The following DPYD variants were observed in gnomAD, a reference collection of about 807,000 sequenced individuals.
The protein encoded by DPYD is dihydropyrimidine dehydrogenase [NADP(+)].
A neutral mutation model predicts 116.2 loss-of-function variants in DPYD; 109 were observed. The ratio of observed to expected loss-of-function variants is 0.94; its 90% CI spans 0.80 to 1.10. The LOEUF is 1.10. Among genes scored for constraint, DPYD ranks in the 50% least tolerant of loss-of-function variants. The pLI, the probability that DPYD is intolerant of heterozygous loss-of-function variation, is 0.00. For missense variants in DPYD, 1,302 were observed against 1,254.5 expected (o/e 1.04, Z -0.57); for synonymous variants, 440 against 432.0 (o/e 1.02, Z -0.23).
intron 3 of DPYD, among the ~76,000 whole-genome samples, chr1:97,812,225 T>C (rs533689551): frequency 2.2e-4 from 34 of 152,244 alleles, no homozygotes; most frequent in African/African-American, 7.7e-4. Context: ...GCACTAAGCT[T>C]TGAAAGCAGG....
At chr1:97,339,887 AGAAG>A (rs1669506815) in intron 16 of DPYD, among the ~76,000 whole-genome samples, 1 of 152,204 alleles carries the variant, frequency 6.6e-6, no homozygotes, top group Non-Finnish European at 1.5e-5. Flanking sequence ...TGTGGAGAAA[AGAAG>A]GAAGAGGAAG....
intron 12 of DPYD, chr1:97,545,883 T>A: frequency 4.7e-6 from 5 of 1,066,766 alleles, no homozygotes; most frequent in Non-Finnish European, 7.3e-6. Context: ...TTTCTAATCA[T>A]AAGAAGTATA....
At chr1:97,823,450 A>T (rs181865105) in intron 3 of DPYD, among the ~76,000 whole-genome samples, 4 of 152,236 alleles carry the variant, frequency 2.6e-5, no homozygotes, top group Non-Finnish European at 5.9e-5. Flanking sequence ...GACTATAGTC[A>T]CCTTACTGTG....
At chr1:97,305,493 T>C (rs1325153834) in intron 17 of DPYD, 115 bp from the exon 18 acceptor site, 2 of 1,412,856 alleles carry the variant, frequency 1.4e-6, no homozygotes, top group Non-Finnish European at 2.0e-6. Flanking sequence ...AGAACATGTC[T>C]TCTCCTCAAA....
At chr1:97,333,449 C>T (rs923054448) in intron 16 of DPYD, among the ~76,000 whole-genome samples, 9 of 151,094 alleles carry the variant, frequency 6.0e-5, no homozygotes, top group South Asian at 2.1e-4. Flanking sequence ...CCGCCCTTCT[C>T]GGCCTCCCAA....
At chr1:97,353,482 G>T (rs912070865) in intron 16 of DPYD, among the ~76,000 whole-genome samples, 3 of 152,010 alleles carry the variant, frequency 2.0e-5, no homozygotes, top group Admixed American at 6.6e-5. Flanking sequence ...ATAAACTTCT[G>T]TCCAGAGCAG....
intron 16 of DPYD, among the ~76,000 whole-genome samples, chr1:97,341,869 G>C (rs1171884944): frequency 1.3e-5 from 2 of 152,150 alleles, no homozygotes; most frequent in African/African-American, 4.8e-5. Flanking sequence ...CAGGTTGGTA[G>C]CTTGAAATTG....
chr1:97,771,110 G>A (rs1666117177), intron 3 of DPYD, among the ~76,000 whole-genome samples: 1 of 151,958 alleles, frequency 6.6e-6, no homozygotes, highest in African/African-American at 2.4e-5. Flanking sequence ...CTGAGCTCAG[G>A]AGTTCGAGGT....
chr1:97,264,162 GTTTTTTTTTTTTTTT>G (rs71071641), intron 18 of DPYD, among the ~76,000 whole-genome samples: 1,017 of 60,152 alleles, frequency 0.017, 17 homozygotes, highest in Non-Finnish European at 0.03. Flanking sequence ...GCAAAATTCT[GTTTTTTTTTTTTTTT>G]TTTTTTTTTT....
intron 14 of DPYD, among the ~76,000 whole-genome samples, chr1:97,432,636 T>C (rs1456157949): frequency 1.3e-5 from 2 of 152,042 alleles, no homozygotes; most frequent in Non-Finnish European, 2.9e-5. Context: ...GGCCACACTT[T>C]TTTTCCCTCA....
At chr1:97,646,902 A>C (rs1557859191) in intron 8 of DPYD, among the ~76,000 whole-genome samples, 2 of 152,078 alleles carry the variant, frequency 1.3e-5, no homozygotes, top group Admixed American at 1.3e-4. Context: ...AACAAAATCA[A>C]GTTCAGAAAG....
intron 2 of DPYD, among the ~76,000 whole-genome samples, chr1:97,828,879 A>AT (rs764752178): frequency 1.3e-5 from 2 of 152,014 alleles, no homozygotes. Flanking sequence ...TTTAAATTTC[A>AT]TAAGTGTTTC....
chr1:97,561,597 G>A (rs997815449), intron 11 of DPYD, among the ~76,000 whole-genome samples: 2 of 152,174 alleles, frequency 1.3e-5, no homozygotes, highest in Non-Finnish European at 2.9e-5. Context: ...GTCCCTATAT[G>A]TGTGTAGCAA....
intron 14 of DPYD, among the ~76,000 whole-genome samples, chr1:97,434,791 G>C (rs563514776): frequency 6.6e-6 from 1 of 152,148 alleles, no homozygotes; most frequent in African/African-American, 2.4e-5. Flanking sequence ...TTTCTTAGCA[G>C]AACAGTGGGG....
intron 2 of DPYD, among the ~76,000 whole-genome samples, chr1:97,880,496 C>G (rs959256371): frequency 1.3e-5 from 2 of 151,668 alleles, no homozygotes; most frequent in Non-Finnish European, 1.5e-5. Context: ...ACTTTCAACC[C>G]TAGCTTCATA....
intron 13 of DPYD, among the ~76,000 whole-genome samples, chr1:97,480,001 C>A (rs564129149): frequency 6.6e-6 from 1 of 152,188 alleles, no homozygotes; most frequent in South Asian, 2.1e-4. Flanking sequence ...CTTTTTTTCC[C>A]TAATATAGAA....
At chr1:97,805,629 G>T (rs887211373) in intron 3 of DPYD, among the ~76,000 whole-genome samples, 1 of 151,610 alleles carries the variant, frequency 6.6e-6, no homozygotes, top group African/African-American at 2.4e-5. Flanking sequence ...CTAAAATCTA[G>T]AAAAAGCTGG....
At chr1:97,846,079 G>A (rs754059030) in intron 2 of DPYD, among the ~76,000 whole-genome samples, 2 of 152,208 alleles carry the variant, frequency 1.3e-5, no homozygotes, top group Non-Finnish European at 2.9e-5. Context: ...GGTGCGAGCC[G>A]AGAACAGCCT....
At chr1:97,118,362 C>G (rs1454174535) in intron 20 of DPYD, among the ~76,000 whole-genome samples, 1 of 152,108 alleles carries the variant, frequency 6.6e-6, no homozygotes, top group East Asian at 1.9e-4. Context: ...TAACCTTCTG[C>G]TTAAACTCTC....
Sources: allele counts gnomAD v4.1 joint callset (sites outside exome capture counted in the v4.1 genomes callset), GRCh38; gene constraint gnomAD v4.1.1; transcripts MANE v1.5; gene names NCBI Gene and HGNC (gene_info 2026-07-23, HGNC 2026-07-21).